SSH1: variants seen among roughly 807,000 people sequenced by gnomAD.
The protein encoded by SSH1 is slingshot protein phosphatase 1.
In SSH1, 43 loss-of-function variants were observed where a neutral mutation model predicts 79.7. The observed-to-expected ratio is 0.54, with a 90% CI of 0.42 to 0.70. The LOEUF is 0.70. Ranked by LOEUF, SSH1 falls within the 30% of genes least tolerant of loss-of-function variation. SSH1 has a pLI of 0.00. For synonymous variants in SSH1, 599 were observed against 538.3 expected (o/e 1.11, Z -1.56); for missense variants, 1,206 against 1,358.8 (o/e 0.89, Z 1.77).
chr12:108,854,924 C>T (rs1041819981), intron 1 of SSH1, among the ~76,000 whole-genome samples: 4 of 152,200 alleles, frequency 2.6e-5, no homozygotes, highest in South Asian at 2.1e-4. Context: ...CACATCTGAA[C>T]GAGGGCCTTG....
At chr12:108,841,339 G>A (rs767622273) in intron 2 of SSH1, among the ~76,000 whole-genome samples, 33 of 152,248 alleles carry the variant, frequency 2.2e-4, no homozygotes, top group Admixed American at 5.9e-4. Flanking sequence ...GCCCTGAGGC[G>A]TTCTTTTGAA....
intron 5 of SSH1, chr12:108,811,673 G>GCCTGT: frequency 2.5e-6 from 1 of 394,956 alleles, no homozygotes; most frequent in Non-Finnish European, 4.8e-6. Context: ...GCCCGGCCTG[G>GCCTGT]CCTGTCCTGG....
chr12:108,848,290 T>C (rs1034866660), intron 2 of SSH1, among the ~76,000 whole-genome samples: 4 of 152,116 alleles, frequency 2.6e-5, no homozygotes, highest in East Asian at 1.9e-4. Flanking sequence ...ACCCGATCCA[T>C]GTGACCCTGC....
Position 108,805,260 on chromosome 12 carries a change from A to T in SSH1, c.826-76T>A. 5 of 1,542,782 alleles carry T rather than the reference A, an allele frequency of 3.2e-6. No homozygotes were observed. In the South Asian group the frequency reaches 5.7e-5, roughly 18 times the overall value. ...TCCACCTCAAAAGAATTAAAGTTAC[A>T]ATGGAAACTGTGCCTATTTCCAAAA... On this transcript the variant is annotated intron_variant, in intron 9 of 14. Coordinates refer to ENST00000326495, the MANE Select transcript of SSH1 (RefSeq NM_018984.4).
chr12:108,846,858 A>G (rs1284266814), intron 2 of SSH1, among the ~76,000 whole-genome samples: 1 of 151,704 alleles, frequency 6.6e-6, no homozygotes, highest in African/African-American at 2.4e-5. Context: ...GTGAAGACCG[A>G]GCACAGCAAC....
chr12:108,803,802 C>T (rs547309439), intron 10 of SSH1, among the ~76,000 whole-genome samples: 10 of 152,122 alleles, frequency 6.6e-5, no homozygotes, highest in Non-Finnish European at 1.5e-4. Flanking sequence ...CTTTCAAATC[C>T]ACACATGTAC....
intron 9 of SSH1, among the ~76,000 whole-genome samples, chr12:108,805,796 A>C (rs564765186): frequency 6.6e-6 from 1 of 152,350 alleles, no homozygotes; most frequent in East Asian, 1.9e-4. Flanking sequence ...CATGCTTTGA[A>C]TAAAAAGCAA....
Position 108,783,843 on chromosome 12 carries a change from A to G in SSH1, c.*4145T>C, listed in dbSNP as rs1181017768. The G allele has an allele frequency of 6.6e-6, 1 of 152,256 alleles. No individual in the cohort carries two copies. Among genetic ancestry groups the G allele is most frequent in the Non-Finnish European group, 1.5e-5 (1 of 68,072 alleles). The allele number at this position is 152,256 out of a possible 1,614,324, so 9.4% of individuals were successfully genotyped here. A position where few individuals can be genotyped will look rare whatever the true frequency, so the allele number is the denominator to read the frequency against. ...GGACAGGGGTCATTCAACAACCTTCATTTGGTTTGCAATGTCTGCAGGAAT... is the reference window on the plus strand; with the variant it reads ...GGACAGGGGTCATTCAACAACCTTCGTTTGGTTTGCAATGTCTGCAGGAAT... On this transcript the variant is annotated 3_prime_UTR_variant, in exon 15 of 15. Coordinates refer to ENST00000326495, the MANE Select transcript of SSH1 (RefSeq NM_018984.4).
chr12:108,796,379 T>C (rs1397041749), intron 13 of SSH1, among the ~76,000 whole-genome samples: 1 of 152,238 alleles, frequency 6.6e-6, no homozygotes, highest in African/African-American at 2.4e-5. Flanking sequence ...TTCCAGTCCC[T>C]GGCAACCACC....
chr12:108,800,845 G>A lies in SSH1; in HGVS notation c.1083C>T (p.Tyr361=), dbSNP rs376321294. 33 of 1,613,784 alleles carry A rather than the reference G, an allele frequency of 2.0e-5. No individual in the cohort carries two copies. The highest frequency in any genetic ancestry group is 1.6e-4 in the Middle Eastern group (1 of 6,080). The change falls in exon 12 of 15, where the codon TAC becomes TAT. Residue 361 remains tyrosine, a synonymous_variant. Coordinates refer to ENST00000326495, the MANE Select transcript of SSH1 (RefSeq NM_018984.4). ...CGAGGAGGTCTGTGGTCTCTTCATC[G>A]TAGACTCGGATGTTATGATATGCAA... The part of the protein sequence containing the change: ...GLFAYHNIRV[Y]DEETTDLLAH...
chr12:108,848,633 C>A (rs897829447), intron 2 of SSH1, among the ~76,000 whole-genome samples: 1 of 152,192 alleles, frequency 6.6e-6, no homozygotes. Context: ...AAAGCTTAAA[C>A]CAGGACACAA....
intron 2 of SSH1, among the ~76,000 whole-genome samples, chr12:108,832,672 A>C (rs1231692544): frequency 6.6e-6 from 1 of 152,216 alleles, no homozygotes; most frequent in Non-Finnish European, 1.5e-5. Context: ...TGGTTCTCCC[A>C]CAGGTTCTTC....
intron 2 of SSH1, among the ~76,000 whole-genome samples, chr12:108,836,589 C>A (rs2038637269): frequency 6.6e-6 from 1 of 152,168 alleles, no homozygotes; most frequent in South Asian, 2.1e-4. Context: ...AGATTATAAA[C>A]CACTGAATAA....
chr12:108,805,973 G>T (rs756078932), intron 9 of SSH1, among the ~76,000 whole-genome samples: 1 of 152,048 alleles, frequency 6.6e-6, no homozygotes, highest in Non-Finnish European at 1.5e-5. Flanking sequence ...GAACAAGGGG[G>T]TGTTATTAAA....
chr12:108,835,715 A>G (rs1466825019), intron 2 of SSH1, among the ~76,000 whole-genome samples: 1 of 151,776 alleles, frequency 6.6e-6, no homozygotes, highest in African/African-American at 2.4e-5. Flanking sequence ...TCCCAAGCTG[A>G]GGTGTCTGTT....
At chr12:108,816,691 T>C (rs893674656) in intron 5 of SSH1, among the ~76,000 whole-genome samples, 4 of 152,222 alleles carry the variant, frequency 2.6e-5, no homozygotes, top group Non-Finnish European at 4.4e-5. Flanking sequence ...TGGCAGACTC[T>C]GGTTTGGCCT....
chr12:108,814,119 G>C (rs1000031909), intron 5 of SSH1, among the ~76,000 whole-genome samples: 1 of 152,066 alleles, frequency 6.6e-6, no homozygotes, highest in South Asian at 2.1e-4. Context: ...AGCTACTCAG[G>C]AGACTGAGGC....
chr12:108,831,782 C>A (rs1466563982), intron 2 of SSH1, among the ~76,000 whole-genome samples: 1 of 152,122 alleles, frequency 6.6e-6, no homozygotes, highest in Non-Finnish European at 1.5e-5. Context: ...GGTTCATAAA[C>A]CTCAATTTAC....
rs774022680 is a variant in SSH1 at position 108,857,503 on chromosome 12, G to C, written c.-7C>G. On this transcript the variant is annotated 5_prime_UTR_variant, in exon 1 of 15. Coordinates refer to ENST00000326495, the MANE Select transcript of SSH1 (RefSeq NM_018984.4). This position sits in a 1 kb window ranked among gnomAD's most constrained non-coding sequence, Gnocchi z 4.7. ...GCAGGGTCACCAGGGCCATGGCTGC[G>C]GCGCGGTGCGAGGGCGCCACAGACG... 283 of 1,132,538 alleles carry C rather than the reference G, an allele frequency of 2.5e-4. No individual in the cohort carries two copies. The African/African-American group carries it at 3.5e-3, about 14-fold the overall frequency. 70.2% of individuals were successfully genotyped at this position (1,132,538 alleles called of 1,614,324 possible).
Sources: allele counts gnomAD v4.1 joint callset (sites outside exome capture counted in the v4.1 genomes callset), GRCh38; gene constraint gnomAD v4.1.1; non-coding constraint Gnocchi (gnomAD v3.1); transcripts MANE v1.5; gene names NCBI Gene and HGNC (gene_info 2026-07-23, HGNC 2026-07-21).